ASTN1: variants seen among roughly 807,000 people sequenced by gnomAD.
The protein encoded by ASTN1 is astrotactin-1.
ASTN1 carries 41 observed loss-of-function variants against 140.7 expected under a neutral mutation model. The observed-to-expected ratio is 0.29, with a 90% confidence interval of 0.23 to 0.38. The LOEUF is 0.38. ASTN1 is among the 10% of genes least tolerant of loss of function. The pLI is 1.00. For missense variants in ASTN1, 1,479 were observed against 1,678.8 expected (o/e 0.88, Z 2.08); for synonymous variants, 640 against 652.2 (o/e 0.98, Z 0.29).
chr1:176,876,492 C>T, intron 21 of ASTN1, 45 bp downstream of exon 21: 1 of 1,599,174 alleles, frequency 6.3e-7, no homozygotes. Context: ...TGGTGGGTAC[C>T]TGGGGCATCC....
intron 16 of ASTN1, among the ~76,000 whole-genome samples, chr1:176,900,915 A>G (rs1454196701): frequency 6.6e-6 from 1 of 152,240 alleles, no homozygotes; most frequent in East Asian, 1.9e-4. Context: ...AATATCCCAC[A>G]TGCCTTATAT....
chr1:176,946,810 A>G (rs1286271499), intron 12 of ASTN1, among the ~76,000 whole-genome samples: 3 of 152,222 alleles, frequency 2.0e-5, no homozygotes, highest in Non-Finnish European at 4.4e-5. Flanking sequence ...TGGAAAAGCA[A>G]CATCAATGTT....
chr1:177,008,448 GGAGAGGGAGAGGAAGAGAGAGA>G (rs1202639434), intron 8 of ASTN1, among the ~76,000 whole-genome samples: 28 of 89,706 alleles, frequency 3.1e-4, no homozygotes, highest in Admixed American at 2.8e-3. Context: ...AGAGGAAGAG[GGAGAGGGAGAGGAAGAGAGAGA>G]GAGAGGGAGA....
intron 8 of ASTN1, chr1:176,981,868 CATTTCTAT>C (rs1673636433): frequency 6.6e-6 from 1 of 152,476 alleles, no homozygotes; most frequent in Non-Finnish European, 1.5e-5. Context: ...GTGAAGATAA[CATTTCTAT>C]ATGAGAAATG....
At chr1:176,997,898 G>A (rs909907774) in intron 8 of ASTN1, among the ~76,000 whole-genome samples, 6 of 152,198 alleles carry the variant, frequency 3.9e-5, no homozygotes, top group African/African-American at 1.4e-4. Context: ...TAACCAGGTA[G>A]GGTATTAAAG....
chr1:177,131,727 G>A (rs574450205), intron 1 of ASTN1, among the ~76,000 whole-genome samples: 17 of 152,282 alleles, frequency 1.1e-4, no homozygotes, highest in Non-Finnish European at 2.2e-4. Context: ...AGTTTATAAA[G>A]AAAAGAGACG....
Position 176,882,779 on chromosome 1 carries a change from C to T in ASTN1, c.3362+80G>A. 4 of 1,572,700 alleles carry T rather than the reference C, an allele frequency of 2.5e-6. No individual in the cohort carries two copies. The East Asian group carries it at 9.0e-5, about 35-fold the overall frequency. On this transcript the variant is annotated intron_variant, in intron 20 of 22. Transcript: ENST00000361833. ...ATGTTTTGCTGAGTCTCTAAAGGAA[C>T]TCAAGTAGCAAGAAGAAACCGGTAA...
chr1:177,055,443 A>G (rs984082388), intron 2 of ASTN1, among the ~76,000 whole-genome samples: 5 of 152,218 alleles, frequency 3.3e-5, no homozygotes, highest in African/African-American at 1.2e-4. Context: ...GCTTTTGCAC[A>G]TCAGCGTTTC....
At chr1:177,107,786 C>T (rs1680622191) in intron 1 of ASTN1, among the ~76,000 whole-genome samples, 1 of 152,092 alleles carries the variant, frequency 6.6e-6, no homozygotes, top group Non-Finnish European at 1.5e-5. Context: ...CTGTAATGAT[C>T]CCTCAATAAA....
chr1:176,864,377 G>A lies in ASTN1; in HGVS notation c.3792C>T (p.Asp1264=). The change falls in exon 23 of 23, where the codon GAC becomes GAT. Residue 1264 remains aspartate, a synonymous_variant. Coordinates refer to ENST00000361833, the MANE Select transcript of ASTN1 (RefSeq NM_004319.3). The part of the protein sequence containing the change: ...RYSEIKPYGL[D]WAELSRDLRK... The stretch of plus-strand genomic sequence containing the variant: ...TGAGGTCCCGGCTGAGCTCCGCCCA[G>A]TCAAGTCCGTAGGGTTTGATCTCGC... 6.2e-7 allele frequency: 1 copy of A among 1,614,114 alleles called. No homozygotes were observed. Among genetic ancestry groups the A allele is most frequent in the Non-Finnish European group, 8.5e-7 (1 of 1,180,016 alleles).
At chr1:176,890,179 A>C (rs1295677678) in intron 17 of ASTN1, among the ~76,000 whole-genome samples, 1 of 152,242 alleles carries the variant, frequency 6.6e-6, no homozygotes, top group Non-Finnish European at 1.5e-5. Flanking sequence ...CAAAGTTACA[A>C]TAACCAAATC....
chr1:176,904,605 G>A (rs1285848825), intron 16 of ASTN1, among the ~76,000 whole-genome samples: 1 of 152,166 alleles, frequency 6.6e-6, no homozygotes, highest in Admixed American at 6.5e-5. Context: ...CCAGGAAAGA[G>A]CCTCCCGTGC....
At chr1:176,937,665 G>A (rs1157478379) in intron 14 of ASTN1, among the ~76,000 whole-genome samples, 1 of 152,018 alleles carries the variant, frequency 6.6e-6, no homozygotes, top group Non-Finnish European at 1.5e-5. Context: ...TGCTATATGT[G>A]TAAGTTATAG....
At chr1:176,978,636 G>A (rs1450119797) in intron 8 of ASTN1, among the ~76,000 whole-genome samples, 6 of 152,146 alleles carry the variant, frequency 3.9e-5, no homozygotes, top group South Asian at 2.1e-4. Flanking sequence ...TGGGGGTAAG[G>A]GGAGGGTCTA....
chr1:176,998,898 C>T (rs544289881), intron 8 of ASTN1, among the ~76,000 whole-genome samples: 1 of 152,284 alleles, frequency 6.6e-6, no homozygotes, highest in South Asian at 2.1e-4. Context: ...ATGGGTGTAA[C>T]CTTTGGGCAA....
intron 1 of ASTN1, among the ~76,000 whole-genome samples, chr1:177,075,967 T>C (rs1044217199): frequency 6.6e-6 from 1 of 151,982 alleles, no homozygotes; most frequent in African/African-American, 2.4e-5. Flanking sequence ...ATGTGAGAGA[T>C]CCTCAAACTG....
At chr1:176,960,724 A>G (rs1022952233) in intron 9 of ASTN1, among the ~76,000 whole-genome samples, 1 of 152,166 alleles carries the variant, frequency 6.6e-6, no homozygotes, top group Non-Finnish European at 1.5e-5. Context: ...CTCTGCCCTT[A>G]CAATGAGACC....
At chr1:177,075,363 C>A (rs1055982832) in intron 1 of ASTN1, among the ~76,000 whole-genome samples, 2 of 151,448 alleles carry the variant, frequency 1.3e-5, no homozygotes, top group African/African-American at 2.4e-5. Context: ...TGAGCCACTG[C>A]GCCCAGCCAT....
chr1:177,026,516 G>T (rs1254767657), intron 5 of ASTN1, among the ~76,000 whole-genome samples: 2 of 152,148 alleles, frequency 1.3e-5, no homozygotes, highest in Non-Finnish European at 2.9e-5. Flanking sequence ...TCTCTTTAGG[G>T]TATGTTCCCA....
Sources: allele counts gnomAD v4.1 joint callset (sites outside exome capture counted in the v4.1 genomes callset), GRCh38; gene constraint gnomAD v4.1.1; transcripts MANE v1.5; gene names NCBI Gene and HGNC (gene_info 2026-07-23, HGNC 2026-07-21).